Variants in MAPK10 observed in about 807,000 individuals in gnomAD.
MAPK10 encodes mitogen-activated protein kinase 10, also known as JNK3 alpha protein kinase.
MAPK10 carries 25 observed loss-of-function variants against 59.3 expected under a neutral mutation model. The observed-to-expected ratio is 0.42, with a 90% CI of 0.31 to 0.59. MAPK10 has a LOEUF of 0.59. Ranked by LOEUF, MAPK10 falls within the 20% of genes least tolerant of loss-of-function variation. The pLI is 0.15. For missense variants in MAPK10, 351 were observed against 568.9 expected, an observed-to-expected ratio of 0.62 and a Z score of 3.90; for synonymous variants, 190 against 200.5, an observed-to-expected ratio of 0.95 and a Z score of 0.44.
At chr4:86,559,779 A>G (rs774410793) in intron 1 of MAPK10, among the ~76,000 whole-genome samples, 8 of 152,046 alleles carry the variant, frequency 5.3e-5, no homozygotes, top group Non-Finnish European at 8.8e-5. Flanking sequence ...TCTCTACTAA[A>G]AATACAAAAA....
At chr4:86,158,813 G>A (rs2068640728) in intron 4 of MAPK10, among the ~76,000 whole-genome samples, 1 of 151,758 alleles carries the variant, frequency 6.6e-6, no homozygotes, top group African/African-American at 2.4e-5. Flanking sequence ...GGAAACATGA[G>A]GCAAACATTT....
At chr4:86,269,386 T>C (rs1228241863) in intron 2 of MAPK10, among the ~76,000 whole-genome samples, 1 of 152,180 alleles carries the variant, frequency 6.6e-6, no homozygotes, top group Non-Finnish European at 1.5e-5. Flanking sequence ...TCCAGTTAAT[T>C]CAAATTGCAT....
intron 1 of MAPK10, among the ~76,000 whole-genome samples, chr4:86,480,546 AG>A (rs1259108379): frequency 6.6e-6 from 1 of 152,200 alleles, no homozygotes; most frequent in African/African-American, 2.4e-5. Context: ...ACAGTTCTTC[AG>A]GAATCTTTGT....
chr4:86,018,601 T>G (rs756310410), intron 13 of MAPK10, among the ~76,000 whole-genome samples: 39 of 152,208 alleles, frequency 2.6e-4, no homozygotes, highest in Non-Finnish European at 5.7e-4. Context: ...AAAAGAAAGA[T>G]GAACCAAAGG....
At chr4:86,301,603 C>T (rs1053167583) in intron 2 of MAPK10, among the ~76,000 whole-genome samples, 2 of 152,118 alleles carry the variant, frequency 1.3e-5, no homozygotes, top group Admixed American at 6.5e-5. Flanking sequence ...GGCTTAAATA[C>T]CAGAAACTCC....
intron 1 of MAPK10, among the ~76,000 whole-genome samples, chr4:86,532,459 T>A (rs1757921834): frequency 6.6e-6 from 1 of 152,194 alleles, no homozygotes; most frequent in East Asian, 1.9e-4. Context: ...TCCTTCTGCA[T>A]TCCATAAAGC....
chr4:86,564,911 A>T (rs1760948877), intron 1 of MAPK10, among the ~76,000 whole-genome samples: 2 of 152,130 alleles, frequency 1.3e-5, no homozygotes, highest in Non-Finnish European at 2.9e-5. Flanking sequence ...TGGCGGGGGA[A>T]GTTCAAGGGC....
chr4:86,544,445 G>A (rs1758983147), intron 1 of MAPK10, among the ~76,000 whole-genome samples: 1 of 152,192 alleles, frequency 6.6e-6, no homozygotes, highest in African/African-American at 2.4e-5. Flanking sequence ...TGGAAATGGA[G>A]CAGTGTAGGA....
chr4:86,267,639 C>T (rs982497983), intron 2 of MAPK10, among the ~76,000 whole-genome samples: 2 of 152,070 alleles, frequency 1.3e-5, no homozygotes, highest in Admixed American at 6.6e-5. Flanking sequence ...TTTGCAGTTC[C>T]TCCAATAAGT....
chr4:86,019,529 C>G (rs868717010), intron 13 of MAPK10, among the ~76,000 whole-genome samples: 1 of 152,052 alleles, frequency 6.6e-6, no homozygotes, highest in African/African-American at 2.4e-5. Context: ...GGTTCATTTC[C>G]CCTCATGATA....
chr4:86,529,272 G>C (rs757386455), intron 1 of MAPK10, among the ~76,000 whole-genome samples: 1 of 152,118 alleles, frequency 6.6e-6, no homozygotes, highest in African/African-American at 2.4e-5. Flanking sequence ...CCACAGGTGA[G>C]CCCCTCATTG....
intron 1 of MAPK10, among the ~76,000 whole-genome samples, chr4:86,509,114 AG>A (rs1353229516): frequency 6.6e-6 from 1 of 152,122 alleles, no homozygotes; most frequent in Non-Finnish European, 1.5e-5. Flanking sequence ...TAATTTCAAA[AG>A]CTGCTTAGAT....
chr4:86,095,867 G>A (rs2054124035), intron 9 of MAPK10, among the ~76,000 whole-genome samples: 1 of 151,566 alleles, frequency 6.6e-6, no homozygotes, highest in Non-Finnish European at 1.5e-5. Context: ...TTTAATTATA[G>A]GTAAAAGGGG....
At chr4:86,544,361 A>G (rs951001215) in intron 1 of MAPK10, among the ~76,000 whole-genome samples, 20 of 152,232 alleles carry the variant, frequency 1.3e-4, no homozygotes, top group Non-Finnish European at 7.3e-5. Flanking sequence ...TTGGGGGAAT[A>G]AAACAATGCT....
intron 2 of MAPK10, among the ~76,000 whole-genome samples, chr4:86,317,368 C>T (rs1414140047): frequency 2.0e-5 from 3 of 152,150 alleles, no homozygotes; most frequent in Non-Finnish European, 4.4e-5. Context: ...TTACTCTGCC[C>T]TCCTTAGTCC....
chr4:86,208,713 C>G (rs905835103), intron 2 of MAPK10, among the ~76,000 whole-genome samples: 2 of 151,842 alleles, frequency 1.3e-5, no homozygotes, highest in Non-Finnish European at 2.9e-5. Context: ...CACTCCTATT[C>G]AACATAGTGT....
chr4:86,333,206 G>A (rs565985946), intron 2 of MAPK10, among the ~76,000 whole-genome samples: 11 of 152,030 alleles, frequency 7.2e-5, no homozygotes, highest in African/African-American at 2.4e-4. Flanking sequence ...TCTAGAAAAC[G>A]ATTTCTAGAA....
chr4:86,064,750 T>C (rs1253674049), intron 10 of MAPK10: 2 of 183,176 alleles, frequency 1.1e-5, no homozygotes, highest in Non-Finnish European at 2.3e-5. Flanking sequence ...AAATGCATGA[T>C]GTTCAACAAA....
intron 11 of MAPK10, among the ~76,000 whole-genome samples, chr4:86,053,778 C>T (rs1178815787): frequency 6.6e-6 from 1 of 152,008 alleles, no homozygotes; most frequent in Admixed American, 6.6e-5. Context: ...AAATAAAATA[C>T]ACTCTCACAA....
Sources: gnomAD v4.1 joint callset for allele counts (sites outside exome capture counted in the v4.1 genomes callset) on GRCh38, gnomAD v4.1.1 for gene constraint, MANE v1.5 for transcripts, NCBI Gene and HGNC (gene_info 2026-07-23, HGNC 2026-07-21) for gene names.